The following SEC16B variants were observed in gnomAD, a reference collection of about 807,000 sequenced individuals.
SEC16B encodes SEC16 homolog B, endoplasmic reticulum export factor.
In SEC16B, 115 loss-of-function variants were observed where a neutral mutation model predicts 141.8. That is an observed-to-expected ratio of 0.81 (90% CI 0.70 to 0.95). SEC16B has a LOEUF of 0.95. Ranked by LOEUF, SEC16B falls within the 40% of genes least tolerant of loss-of-function variation. SEC16B has a pLI of 0.00. For synonymous variants in SEC16B, 493 were observed against 492.5 expected, an observed-to-expected ratio of 1.00 and a Z score of -0.01; for missense variants, 1,291 against 1,312.3, an observed-to-expected ratio of 0.98 and a Z score of 0.25.
At chr1:177,949,946 T>TAAAA (rs779931630) in intron 12 of SEC16B, among the ~76,000 whole-genome samples, 3 of 67,956 alleles carry the variant, frequency 4.4e-5, no homozygotes, top group Non-Finnish European at 5.5e-5. Flanking sequence ...ACTCTACTAT[T>TAAAA]ACAAAAAAAA....
intron 12 of SEC16B, among the ~76,000 whole-genome samples, chr1:177,948,870 G>A (rs1021908294): frequency 4.6e-5 from 7 of 151,822 alleles, no homozygotes; most frequent in African/African-American, 9.7e-5. Context: ...AAAGCACATC[G>A]CATGGTGCTT....
At position 177,983,268 on chromosome 1, in the gene SEC16B, G is replaced by T. The variant is rs180910690; in HGVS notation, c.-59+938C>A. On this transcript the variant is annotated intron_variant and NMD_transcript_variant, in intron 1 of 24. Transcript: ENST00000528461. ...TATGGTTCACTGGGATCAATGCCAG[G>T]ATCCGAATCCAGGTCCCCTGACTCC... Among the ~76,000 whole-genome samples the T allele has an allele frequency of 3.6e-4, 55 of 152,232 alleles. 1 individual carries two copies. Among genetic ancestry groups the T allele is most frequent in the Middle Eastern group, 6.8e-3 (2 of 294 alleles).
intron 18 of SEC16B, among the ~76,000 whole-genome samples, chr1:177,939,367 A>G (rs1213009212): frequency 6.6e-6 from 1 of 152,368 alleles, no homozygotes; most frequent in Non-Finnish European, 1.5e-5. Context: ...ATGAACCACA[A>G]TCTCTGGACT....
At chr1:177,982,903 T>C (rs937767467) in intron 1 of SEC16B, among the ~76,000 whole-genome samples, 4 of 152,204 alleles carry the variant, frequency 2.6e-5, no homozygotes, top group Non-Finnish European at 5.9e-5. Flanking sequence ...GAAATAGATA[T>C]TTAAGATGAG....
At position 177,967,822 on chromosome 1, in the gene SEC16B, C is replaced by T; in HGVS notation, c.160G>A (p.Gly54Arg). The change falls in exon 2 of 26, where the codon GGG (glycine) becomes AGG (arginine). Residue 54 changes from glycine (G) to arginine (R), a missense_variant. Physicochemically the swap from Gly to Arg is moderately radical, Grantham distance 125 (BLOSUM62 -2). Transcript: ENST00000308284. ...ERFHQWQDNR[G>R]SPQPQQEPRA... ...GGCTCCTGCTGTGGCTGGGGGCTCC[C>T]ACGGTTGTCTTGCCATTGGTGAAAC... The T allele has an allele frequency of 6.2e-7, 1 of 1,614,018 alleles. No homozygotes were observed. The highest frequency in any genetic ancestry group is 8.5e-7 in the Non-Finnish European group (1 of 1,179,894).
At chr1:177,935,790 A>T (rs1650792254) in intron 20 of SEC16B, among the ~76,000 whole-genome samples, 1 of 152,182 alleles carries the variant, frequency 6.6e-6, no homozygotes, top group Non-Finnish European at 1.5e-5. Flanking sequence ...TTTGGGACCA[A>T]CACTGCCCAT....
intron 19 of SEC16B, 71 bp from the exon 20 acceptor site, chr1:177,936,436 A>T (rs1322199563): frequency 1.1e-5 from 14 of 1,306,736 alleles, no homozygotes; most frequent in Non-Finnish European, 1.5e-5. Flanking sequence ...AAGAAGGGTA[A>T]CTGGGACACA....
intron 13 of SEC16B, among the ~76,000 whole-genome samples, chr1:177,946,900 A>C (rs1306653232): frequency 5.3e-5 from 8 of 152,242 alleles, no homozygotes; most frequent in Admixed American, 4.6e-4. Flanking sequence ...GGTCGTTCTT[A>C]AACTAGGCTT....
chr1:177,961,839 G>C lies in SEC16B; in HGVS notation c.643-105C>G, dbSNP rs2101985203. The C allele has an allele frequency of 1.1e-5, 12 of 1,066,120 alleles. No individual in the cohort carries two copies. The South Asian group carries it at 1.3e-4, about 11-fold the overall frequency. The allele number at this position is 1,066,120 out of a possible 1,614,324, so 66.0% of individuals were successfully genotyped here. A position where few individuals can be genotyped will look rare whatever the true frequency, so the allele number is the denominator to read the frequency against. Reference sequence around the variant, plus strand: ...TACATACGGTGAAAGTGGATGTGTTGAAAGGATAAAAAGAGATAATCAAGT... The same window carrying C: ...TACATACGGTGAAAGTGGATGTGTTCAAAGGATAAAAAGAGATAATCAAGT... On this transcript the variant is annotated intron_variant, in intron 5 of 25. Coordinates refer to ENST00000308284, the MANE Select transcript of SEC16B (RefSeq NM_033127.4).
At chr1:177,936,488 C>T in intron 19 of SEC16B, 123 bp from the exon 20 acceptor site, 1 of 810,832 alleles carries the variant, frequency 1.2e-6, no homozygotes, top group South Asian at 1.6e-5. Context: ...AGCCCATAAG[C>T]CCAAGCCAAT....
chr1:177,981,378 G>C (rs1211194205), intron 1 of SEC16B, among the ~76,000 whole-genome samples: 2 of 151,910 alleles, frequency 1.3e-5, no homozygotes, highest in Non-Finnish European at 2.9e-5. Flanking sequence ...CATGTCCAGA[G>C]ACATTCCAAA....
intron 1 of SEC16B, among the ~76,000 whole-genome samples, chr1:177,979,374 T>TGCCCACTGTTCC (rs1237016604): frequency 6.6e-6 from 1 of 152,240 alleles, no homozygotes; most frequent in Non-Finnish European, 1.5e-5. Context: ...TCTACTGTTC[T>TGCCCACTGTTCC]GCCCACTGTT....
At chr1:177,963,069 C>T (rs1653207985) in intron 5 of SEC16B, among the ~76,000 whole-genome samples, 1 of 151,252 alleles carries the variant, frequency 6.6e-6, no homozygotes, top group Non-Finnish European at 1.5e-5. Flanking sequence ...GATTGTGCCA[C>T]AGCACTCCAG....
Position 177,929,706 on chromosome 1 carries a change from T to TG in SEC16B, c.*151dup. The stretch of plus-strand genomic sequence containing the variant: ...AATTGTGCTGTGTCTTGAGAGATCC[T>TG]GTCCTCTTGCCTTCTAAGTGCCCGG... On this transcript the variant is annotated 3_prime_UTR_variant, in exon 26 of 26. Coordinates refer to ENST00000308284, the MANE Select transcript of SEC16B (RefSeq NM_033127.4). 1.4e-6 allele frequency: 1 copy of TG among 695,524 alleles called. No individual in the cohort carries two copies. The highest frequency in any genetic ancestry group is 2.7e-4 in the Middle Eastern group (1 of 3,746). The allele number at this position is 695,524 out of a possible 1,614,324, so 43.1% of individuals were successfully genotyped here.
At chr1:177,976,758 C>T (rs1169689707) in intron 1 of SEC16B, among the ~76,000 whole-genome samples, 1 of 152,178 alleles carries the variant, frequency 6.6e-6, no homozygotes, top group Non-Finnish European at 1.5e-5. Context: ...AAGTATTCTG[C>T]ACAAGTCATC....
intron 25 of SEC16B, 107 bp downstream of exon 25, chr1:177,930,438 C>T: frequency 1.4e-6 from 1 of 723,770 alleles, no homozygotes; most frequent in Non-Finnish European, 2.3e-6. Flanking sequence ...TAAATAATTG[C>T]TCAAGAACTC....
At chr1:177,942,560 C>T (rs1180099523) in intron 15 of SEC16B, among the ~76,000 whole-genome samples, 3 of 151,978 alleles carry the variant, frequency 2.0e-5, no homozygotes, top group South Asian at 2.1e-4. Context: ...CCCAGCTACT[C>T]GGAAGGCTGA....
In SEC16B at chr1:177,964,237, G is replaced by T; in HGVS notation, c.576C>A (p.Asn192Lys). Reference sequence around the variant, plus strand: ...GCTCCCCCGGCCACTCCTGTCCAGAGTTGGAAGCAGGGCTGTCTTTACAAG... The same window carrying T: ...GCTCCCCCGGCCACTCCTGTCCAGATTTGGAAGCAGGGCTGTCTTTACAAG... ...RNPCKDSPAS[N>K]SGQEWPGELF... Residue 192 changes from asparagine (N) to lysine (K), a missense_variant, in exon 5 of 26, where the codon AAC becomes AAA. This residue lies in a region of SEC16B where 681 missense variants were observed against 675.5 expected (regional missense o/e 1.01). Coordinates refer to ENST00000308284, the MANE Select transcript of SEC16B (RefSeq NM_033127.4). 1 of 1,613,748 alleles carries T rather than the reference G, an allele frequency of 6.2e-7. No homozygotes were observed.
At chr1:177,957,484 C>T (rs1403053498) in intron 10 of SEC16B, among the ~76,000 whole-genome samples, 1 of 151,888 alleles carries the variant, frequency 6.6e-6, no homozygotes, top group Non-Finnish European at 1.5e-5. Context: ...GTAAATGTAT[C>T]AAAATGTTAA....
Sources: allele counts gnomAD v4.1 joint callset (sites outside exome capture counted in the v4.1 genomes callset), GRCh38; gene constraint gnomAD v4.1.1; regional missense constraint gnomAD v4.1.1; transcripts MANE v1.5; gene names NCBI Gene and HGNC (gene_info 2026-07-23, HGNC 2026-07-21).